AFG2A: variants seen among roughly 807,000 people sequenced by gnomAD.
The protein encoded by AFG2A is AAA ATPase AFG2A.
At chr4:123,181,191 A>G in the AFG2A span, among the ~76,000 whole-genome samples, 4 of 151,888 alleles carry the variant, frequency 2.6e-5, no homozygotes, top group East Asian at 1.9e-4. Flanking sequence ...TCACTGTGTT[A>G]GCCAGGATGG....
chr4:123,291,818 C>A, the AFG2A span, among the ~76,000 whole-genome samples: 1 of 152,142 alleles, frequency 6.6e-6, no homozygotes, highest in Non-Finnish European at 1.5e-5. Flanking sequence ...TTCACATTGA[C>A]GTTAGATAGC....
chr4:122,948,298 T>A, the AFG2A span, among the ~76,000 whole-genome samples: 1 of 151,796 alleles, frequency 6.6e-6, no homozygotes, highest in South Asian at 2.1e-4. Flanking sequence ...GCTTGAGCAG[T>A]CCTTAGATTT....
chr4:123,048,234 C>T, the AFG2A span, among the ~76,000 whole-genome samples: 1 of 152,052 alleles, frequency 6.6e-6, no homozygotes, highest in South Asian at 2.1e-4. Flanking sequence ...TGTTTTTATG[C>T]CAGTACCATG....
the AFG2A span, among the ~76,000 whole-genome samples, chr4:123,152,465 A>G: frequency 1.3e-5 from 2 of 152,250 alleles, no homozygotes; most frequent in African/African-American, 4.8e-5. Flanking sequence ...ACCTTAACAG[A>G]CACCTCACCA....
At chr4:123,098,773 A>T in the AFG2A span, among the ~76,000 whole-genome samples, 1 of 152,002 alleles carries the variant, frequency 6.6e-6, no homozygotes, top group South Asian at 2.1e-4. Context: ...TCTTCGATGC[A>T]TACTTAGGTT....
the AFG2A span, among the ~76,000 whole-genome samples, chr4:123,234,037 A>G: frequency 6.6e-6 from 1 of 152,140 alleles, no homozygotes; most frequent in Non-Finnish European, 1.5e-5. Context: ...GGGGAAAATA[A>G]GCACACGTCT....
At chr4:123,249,366 A>G in the AFG2A span, among the ~76,000 whole-genome samples, 1 of 152,166 alleles carries the variant, frequency 6.6e-6, no homozygotes, top group Non-Finnish European at 1.5e-5. Flanking sequence ...TCAAGTTTCT[A>G]TGATTTTAGT....
chr4:123,073,425 A>T, the AFG2A span, among the ~76,000 whole-genome samples: 1 of 152,168 alleles, frequency 6.6e-6, no homozygotes, highest in Admixed American at 6.5e-5. Flanking sequence ...TTAAAAATAT[A>T]AATTTGTCTC....
At chr4:123,258,098 T>C in the AFG2A span, among the ~76,000 whole-genome samples, 3 of 152,334 alleles carry the variant, frequency 2.0e-5, no homozygotes, top group East Asian at 5.8e-4. Context: ...TTGTGTTCCA[T>C]AATGCTTGGA....
chr4:122,952,183 C>T, the AFG2A span, among the ~76,000 whole-genome samples: 1 of 152,186 alleles, frequency 6.6e-6, no homozygotes, highest in Non-Finnish European at 1.5e-5. Flanking sequence ...TATCTAACTG[C>T]ACCCTTTTTC....
At chr4:123,314,149 A>T in the AFG2A span, 2 of 1,210,124 alleles carry the variant, frequency 1.7e-6, no homozygotes, top group South Asian at 4.2e-5. Context: ...GTTAAAAAAA[A>T]TTTTACTAGG....
the AFG2A span, among the ~76,000 whole-genome samples, chr4:123,069,417 T>A: frequency 1.3e-5 from 2 of 152,188 alleles, no homozygotes; most frequent in Non-Finnish European, 2.9e-5. Flanking sequence ...TCCTGTATTA[T>A]CAAGGACAAA....
At chr4:123,213,404 CTTTT>C in the AFG2A span, among the ~76,000 whole-genome samples, 38 of 152,252 alleles carry the variant, frequency 2.5e-4, no homozygotes, top group South Asian at 6.6e-3. Context: ...GTTTAGACTT[CTTTT>C]GATTAAAATC....
At chr4:123,139,342 A>C in the AFG2A span, among the ~76,000 whole-genome samples, 681 of 152,180 alleles carry the variant, frequency 4.5e-3, 9 homozygotes, top group African/African-American at 0.016. Context: ...GACTTCCTTT[A>C]ACCAACCTGT....
At chr4:123,085,781 C>A in the AFG2A span, among the ~76,000 whole-genome samples, 3 of 122,066 alleles carry the variant, frequency 2.5e-5, no homozygotes, top group East Asian at 1.9e-4. Context: ...ATTCCCATTT[C>A]TTCTTCTCTT....
the AFG2A span, among the ~76,000 whole-genome samples, chr4:123,083,589 G>C: frequency 6.9e-6 from 1 of 144,056 alleles, no homozygotes; most frequent in Admixed American, 7.1e-5. Context: ...TTTTTTAAGA[G>C]ACAGGGTCTC....
At chr4:123,209,586 ATTT>A in the AFG2A span, among the ~76,000 whole-genome samples, 2 of 116,260 alleles carry the variant, frequency 1.7e-5, no homozygotes, top group Non-Finnish European at 3.4e-5. Flanking sequence ...TGCATCAAGA[ATTT>A]TTTTTTTTTT....
the AFG2A span, among the ~76,000 whole-genome samples, chr4:123,246,900 C>T: frequency 6.6e-6 from 1 of 152,088 alleles, no homozygotes; most frequent in Admixed American, 6.5e-5. Context: ...AAGCCCGGCT[C>T]ATTTGGATTT....
At chr4:123,034,571 G>GGAA in the AFG2A span, among the ~76,000 whole-genome samples, 2 of 135,138 alleles carry the variant, frequency 1.5e-5, no homozygotes, top group African/African-American at 5.6e-5. Flanking sequence ...ATGCTGGAAT[G>GGAA]AAAAAAAAAA....
Sources: gnomAD v4.1 joint callset for allele counts (sites outside exome capture counted in the v4.1 genomes callset) on GRCh38, gnomAD v4.1.1 for gene constraint, MANE v1.5 for transcripts, NCBI Gene and HGNC (gene_info 2026-07-23, HGNC 2026-07-21) for gene names.